Variants in LYST observed in about 807,000 individuals in gnomAD.
LYST encodes the protein lysosomal trafficking regulator.
In LYST, 192 loss-of-function variants were observed where a neutral mutation model predicts 413.6. The observed-to-expected ratio is 0.46, with a 90% CI of 0.41 to 0.52. LYST has a LOEUF of 0.52. LYST is among the 20% of genes least tolerant of loss of function. LYST has a pLI of 0.00. For synonymous variants in LYST, 1,525 were observed against 1,567.3 expected (o/e 0.97, Z 0.64); for missense variants, 3,815 against 4,499.9 (o/e 0.85, Z 4.35).
At chr1:235,837,993 C>T (rs2103031439) in intron 1 of LYST, among the ~76,000 whole-genome samples, 1 of 151,942 alleles carries the variant, frequency 6.6e-6, no homozygotes, top group South Asian at 2.1e-4. Context: ...AATGAGTAGG[C>T]AAAACGAAGA....
At chr1:235,704,464 G>A (rs574311884) in intron 44 of LYST, among the ~76,000 whole-genome samples, 11 of 152,072 alleles carry the variant, frequency 7.2e-5, no homozygotes, top group Admixed American at 1.3e-4. Context: ...GGTGGGAGAC[G>A]GCATCTCACT....
chr1:235,806,605 A>G lies in LYST; in HGVS notation c.2531T>C (p.Ile844Thr), dbSNP rs1336015006. 3.7e-6 allele frequency: 6 copies of G among 1,613,980 alleles called. No homozygotes were observed. Among genetic ancestry groups the G allele is most frequent in the Non-Finnish European group, 5.1e-6 (6 of 1,179,976 alleles). ...TACAGAGGACAACTCCTTCTGTTCA[A>G]TGTCTATCCCATCAATATCTGGAAC... ...ASVPDIDGID[I>T]EQKELSSVHV... is the part of the protein sequence containing the mutation. Residue 844 changes from isoleucine (I) to threonine (T), a missense_variant, in exon 6 of 53, where the codon ATT (isoleucine) becomes ACT (threonine). Physicochemically the swap from Ile to Thr is moderately conservative, Grantham distance 89 (BLOSUM62 -1). Around this residue, in one of 4 missense-constraint regions of LYST, gnomAD observed 1,648 missense variants for 1,810.3 expected, o/e 0.91. Coordinates refer to ENST00000389793, the MANE Select transcript of LYST (RefSeq NM_000081.4).
At chr1:235,748,796 A>G (rs1666170218) in intron 28 of LYST, among the ~76,000 whole-genome samples, 1 of 152,206 alleles carries the variant, frequency 6.6e-6, no homozygotes, top group Non-Finnish European at 1.5e-5. Context: ...GTACTGCTGA[A>G]GAAACTTTGG....
At chr1:235,827,773 T>C (rs1248850367) in intron 3 of LYST, 1 of 920,944 alleles carries the variant, frequency 1.1e-6, no homozygotes, top group South Asian at 5.0e-5. Context: ...ATTTAACTTA[T>C]GACCTAAATA....
At chr1:235,860,023 C>A (rs1426862281) in intron 1 of LYST, among the ~76,000 whole-genome samples, 1 of 152,110 alleles carries the variant, frequency 6.6e-6, no homozygotes, top group East Asian at 1.9e-4. Context: ...AATCACTAAG[C>A]ACTTGGCAAG....
intron 40 of LYST, among the ~76,000 whole-genome samples, chr1:235,719,742 T>C (rs560919053): frequency 4.0e-5 from 6 of 151,304 alleles, no homozygotes; most frequent in Non-Finnish European, 8.8e-5. Flanking sequence ...CTCTAGGAAA[T>C]ACAGGGGTTA....
rs544898695 is a variant in LYST, at chr1:235,808,428, C to T, written c.2363+27G>A. The T allele has an allele frequency of 3.1e-6, 5 of 1,607,802 alleles. No individual in the cohort carries two copies. In the African/African-American group the frequency reaches 5.4e-5, roughly 17 times the overall value. ...CTAGACATGCTCAACAACCCCCGCCCCCGCCGCCACCCACACACATACAAA... is the reference window on the plus strand; with the variant it reads ...CTAGACATGCTCAACAACCCCCGCCTCCGCCGCCACCCACACACATACAAA... On this transcript the variant is annotated intron_variant, in intron 5 of 52. Transcript: ENST00000389793.
intron 37 of LYST, 54 bp from the exon 38 acceptor site, chr1:235,728,185 T>G: frequency 7.8e-7 from 1 of 1,275,988 alleles, no homozygotes; most frequent in Non-Finnish European, 1.1e-6. Flanking sequence ...ACACTACCAT[T>G]CATGGTTTAA....
intron 3 of LYST, among the ~76,000 whole-genome samples, chr1:235,813,400 A>G (rs1351388463): frequency 3.9e-5 from 6 of 152,244 alleles, no homozygotes; most frequent in African/African-American, 1.2e-4. Flanking sequence ...GTTAAGCCCT[A>G]TTAATTAGCA....
At position 235,730,837 on chromosome 1, in the gene LYST, T is replaced by A. The variant is rs1265100282; in HGVS notation, c.9044+10A>T. 2.0e-6 allele frequency: 3 copies of A among 1,534,010 alleles called. No individual in the cohort carries two copies. Among genetic ancestry groups the A allele is most frequent in the Non-Finnish European group, 2.7e-6 (3 of 1,107,054 alleles). Reference sequence around the variant, plus strand: ...CATGAAAGAGTGAAGGTCTATTGATTCAAAGTTACCTTATAGATTCACTTG... The same window carrying A: ...CATGAAAGAGTGAAGGTCTATTGATACAAAGTTACCTTATAGATTCACTTG... On this transcript the variant is annotated intron_variant, in intron 36 of 52. Transcript: ENST00000389793.
intron 5 of LYST, among the ~76,000 whole-genome samples, chr1:235,807,109 C>CT (rs1162562196): frequency 8.5e-5 from 13 of 152,194 alleles, no homozygotes; most frequent in African/African-American, 3.1e-4. Context: ...ACACCACAGC[C>CT]ACCACCACAC....
rs1665940981 is a variant in LYST at position 235,746,510 on chromosome 1, G to A, written c.7798C>T (p.Leu2600Phe). ...KSIAGPRKFPLAQTESLLMKM... is the reference protein window; with the variant it reads ...KSIAGPRKFPFAQTESLLMKM... Reference sequence around the variant, plus strand: ...ATCAGAAGCGATTCAGTTTGAGCAAGGGGAAATTTTCGAGGACCTTTAAAA... The same window carrying A: ...ATCAGAAGCGATTCAGTTTGAGCAAAGGGAAATTTTCGAGGACCTTTAAAA... Residue 2600 changes from leucine (L) to phenylalanine (F), a missense_variant, in exon 29 of 53, where the codon CTT becomes TTT. By Grantham distance (22) the Leu-to-Phe change is conservative (BLOSUM62 0). This residue lies in a region of LYST where 771 missense variants were observed against 837.1 expected (regional missense o/e 0.92). Transcript: ENST00000389793. The A allele has an allele frequency of 1.2e-6, 2 of 1,613,116 alleles. No homozygotes were observed. The highest frequency in any genetic ancestry group is 1.3e-5 in the African/African-American group (1 of 74,844).
At chr1:235,671,507 G>A (rs1658940246) in intron 50 of LYST, among the ~76,000 whole-genome samples, 1 of 152,168 alleles carries the variant, frequency 6.6e-6, no homozygotes, top group African/African-American at 2.4e-5. Flanking sequence ...AATGTGGGGA[G>A]GGTTAATACT....
intron 29 of LYST, among the ~76,000 whole-genome samples, chr1:235,745,725 T>C (rs1352016405): frequency 6.6e-6 from 1 of 152,142 alleles, no homozygotes; most frequent in Non-Finnish European, 1.5e-5. Context: ...GAACTATTGA[T>C]ATATGCAACA....
Position 235,733,840 on chromosome 1 carries a change from T to C in LYST, c.8602A>G (p.Asn2868Asp). 2 of 1,597,502 alleles carry C rather than the reference T, an allele frequency of 1.3e-6. No homozygotes were observed. Among genetic ancestry groups the C allele is most frequent in the Non-Finnish European group, 1.7e-6 (2 of 1,165,008 alleles). The change falls in exon 33 of 53, where the codon AAT becomes GAT. Residue 2868 changes from asparagine (N) to aspartate (D), a missense_variant. Around this residue, in one of 4 missense-constraint regions of LYST, gnomAD observed 866 missense variants for 1,156.0 expected, o/e 0.75. Coordinates refer to ENST00000389793, the MANE Select transcript of LYST (RefSeq NM_000081.4). The stretch of plus-strand genomic sequence containing the variant: ...CATATAAAATCTTACCTTTGTTGAT[T>C]ATTGTTAACTGTTTTCTGCCAAGCA... ...KAAWQKTVNN[N>D]QQSLFQRLDS...
intron 45 of LYST, among the ~76,000 whole-genome samples, chr1:235,698,540 T>A (rs1661277953): frequency 6.6e-6 from 1 of 152,210 alleles, no homozygotes. Context: ...ACAGTGTTTT[T>A]TTGTGGCTCC....
Position 235,774,087 on chromosome 1 carries a change from A to T in LYST, c.5635-96T>A, listed in dbSNP as rs111310823. 3.3e-5 allele frequency: 28 copies of T among 836,414 alleles called. 1 individual carries two copies. The highest frequency in any genetic ancestry group is 2.4e-4 in the African/African-American group (14 of 59,168). 51.8% of individuals were successfully genotyped at this position (836,414 alleles called of 1,614,324 possible). A position where few individuals can be genotyped will look rare whatever the true frequency, so the allele number is the denominator to read the frequency against. On this transcript the variant is annotated intron_variant, in intron 18 of 52. Coordinates refer to ENST00000389793, the MANE Select transcript of LYST (RefSeq NM_000081.4). ...AGCTTTCAATTTTAGCAATCATTAA[A>T]TTCAAAGGAAAGCTAGTAAATAATT...
chr1:235,841,622 C>T (rs548068447), intron 1 of LYST, among the ~76,000 whole-genome samples: 2 of 151,848 alleles, frequency 1.3e-5, no homozygotes, highest in Non-Finnish European at 2.9e-5. Flanking sequence ...GGCAAGAGAA[C>T]GAATGAATGA....
chr1:235,815,004 T>C (rs925986087), intron 3 of LYST, among the ~76,000 whole-genome samples: 1 of 152,136 alleles, frequency 6.6e-6, no homozygotes, highest in Admixed American at 6.5e-5. Context: ...CATCCTCCCA[T>C]CTGCCAAACT....
Sources: allele counts gnomAD v4.1 joint callset (sites outside exome capture counted in the v4.1 genomes callset), GRCh38; gene constraint gnomAD v4.1.1; regional missense constraint gnomAD v4.1.1; transcripts MANE v1.5; gene names NCBI Gene and HGNC (gene_info 2026-07-23, HGNC 2026-07-21).